The following EMP1 variants were observed in gnomAD, a reference collection of about 807,000 sequenced individuals.
The protein encoded by EMP1 is epithelial membrane protein 1.
In EMP1, 5 loss-of-function variants were observed where a neutral mutation model predicts 15.7. The observed-to-expected ratio is 0.32, with a 90% CI of 0.17 to 0.67. The LOEUF is 0.67. EMP1 is among the 30% of genes least tolerant of loss of function. The pLI is 0.74. For synonymous variants in EMP1, 78 were observed against 76.7 expected (o/e 1.02, Z -0.09); for missense variants, 166 against 194.2 (o/e 0.85, Z 0.86).
rs766753340 is a variant in EMP1, at chr12:13,214,676, C to T, written c.459C>T (p.Val153=). The part of the protein sequence containing the change: ...FSFIIGVLYL[V]LRKK Reference sequence around the variant, plus strand: ...TCATCATCGGCGTTCTCTATCTGGTCCTGAGAAAGAAATAAGGCCGGACGA... The same window carrying T: ...TCATCATCGGCGTTCTCTATCTGGTTCTGAGAAAGAAATAAGGCCGGACGA... The change falls in exon 5 of 5, where the codon GTC becomes GTT. Residue 153 remains valine (V), a synonymous_variant. Transcript: ENST00000256951. 3.1e-5 allele frequency: 50 copies of T among 1,612,772 alleles called. No individual in the cohort carries two copies. The Middle Eastern group carries it at 9.9e-4, about 32-fold the overall frequency.
rs1864193696 is a variant in EMP1 at position 13,214,316 on chromosome 12, A to C, written c.317-218A>C. Reference sequence around the variant, plus strand: ...TTTTACATCACAGCGTGGCCACACAAACCAGTGCAGACATGAGAGCCCAGA... The same window carrying C: ...TTTTACATCACAGCGTGGCCACACACACCAGTGCAGACATGAGAGCCCAGA... On this transcript the variant is annotated intron_variant, in intron 4 of 4. Coordinates refer to ENST00000256951, the MANE Select transcript of EMP1 (RefSeq NM_001423.3). 6.2e-6 allele frequency: 4 copies of C among 648,632 alleles called. No individual in the cohort carries two copies. In the African/African-American group the frequency reaches 7.3e-5, roughly 12 times the overall value. 40.2% of individuals were successfully genotyped at this position (648,632 alleles called of 1,614,324 possible). A position where few individuals can be genotyped will look rare whatever the true frequency, so the allele number is the denominator to read the frequency against.
At chr12:13,201,867 G>A (rs1401398714) in intron 1 of EMP1, among the ~76,000 whole-genome samples, 6 of 152,122 alleles carry the variant, frequency 3.9e-5, no homozygotes, top group Admixed American at 3.9e-4. Flanking sequence ...CTGGCTCTGG[G>A]AAAGAAACTC....
Position 13,214,520 on chromosome 12 carries a change from CT to C in EMP1, c.317-10del. 6.2e-7 allele frequency: 1 copy of C among 1,609,884 alleles called. No homozygotes were observed. Among genetic ancestry groups the C allele is most frequent in the Non-Finnish European group, 8.5e-7 (1 of 1,177,488 alleles). The stretch of plus-strand genomic sequence containing the variant: ...GTAAGAAAACACACCGACAAATCTC[CT>C]TTTCCCCTGCAGGGCTGTGCATTCT... On this transcript the variant is annotated splice_polypyrimidine_tract_variant and intron_variant, in intron 4 of 4. Transcript: ENST00000256951.
chr12:13,214,134 C>T, intron 4 of EMP1: 1 of 609,270 alleles, frequency 1.6e-6, no homozygotes, highest in Non-Finnish European at 2.9e-6. Context: ...AAACCACTGC[C>T]ACAATGCACA....
chr12:13,206,995 G>C (rs1235713151), intron 1 of EMP1, among the ~76,000 whole-genome samples: 1 of 151,580 alleles, frequency 6.6e-6, no homozygotes, highest in Non-Finnish European at 1.5e-5. Context: ...AGCCAATAAA[G>C]ATTTAAATGG....
At chr12:13,213,649 A>C in intron 3 of EMP1, 32 bp from the exon 4 acceptor site, 3 of 1,613,980 alleles carry the variant, frequency 1.9e-6, no homozygotes, top group Non-Finnish European at 2.5e-6. Context: ...GAGTGACCTC[A>C]TGCCCTTGTT....
chr12:13,214,018 A>G (rs1406972719), intron 4 of EMP1, 197 bp downstream of exon 4: 1 of 824,464 alleles, frequency 1.2e-6, no homozygotes, highest in East Asian at 2.7e-5. Context: ...CATTGTTCAA[A>G]ACCAGTGCTC....
intron 1 of EMP1, among the ~76,000 whole-genome samples, chr12:13,199,842 G>A (rs1864047722): frequency 6.6e-6 from 1 of 151,910 alleles, no homozygotes; most frequent in African/African-American, 2.4e-5. Context: ...TATCTATTCT[G>A]GTTTTGTTGT....
In EMP1 at chr12:13,216,416, G is replaced by T. The variant is rs1864215899; in HGVS notation, c.*1725G>T. ...CCAAATTACCTAGGCTGAGGTTAGA[G>T]AGATTGGCCAGCAAAAACTGTGGGA... is the stretch of plus-strand genomic sequence containing the variant. On this transcript the variant is annotated 3_prime_UTR_variant, in exon 5 of 5. Coordinates refer to ENST00000256951, the MANE Select transcript of EMP1 (RefSeq NM_001423.3). The T allele has an allele frequency of 1.4e-6, 1 of 702,516 alleles. No homozygotes were observed. The allele number at this position is 702,516 out of a possible 1,614,324, so 43.5% of individuals were successfully genotyped here.
chr12:13,210,099 G>A (rs79678958), intron 1 of EMP1, among the ~76,000 whole-genome samples: 6,175 of 152,262 alleles, frequency 0.041, 419 homozygotes, highest in African/African-American at 0.14. Flanking sequence ...TTGGTTGCCT[G>A]ATAAAGACAG....
At position 13,218,173 on chromosome 12, in the gene EMP1, T is replaced by C. The variant is rs1864231166; in HGVS notation, c.*3482T>C. 6.6e-6 allele frequency: 1 copy of C among 152,168 alleles called. No homozygotes were observed. 9.4% of individuals were successfully genotyped at this position (152,168 alleles called of 1,614,324 possible). On this transcript the variant is annotated 3_prime_UTR_variant, in exon 5 of 5. Coordinates refer to ENST00000256951, the MANE Select transcript of EMP1 (RefSeq NM_001423.3). ...GGGATAAACTTGAGTTATCAAATGG[T>C]TAATAGATAAAGATCCCACTCTGCC...
At chr12:13,200,733 A>G (rs1199791173) in intron 1 of EMP1, among the ~76,000 whole-genome samples, 2 of 152,176 alleles carry the variant, frequency 1.3e-5, no homozygotes, top group African/African-American at 4.8e-5. Context: ...GAAAGCACAA[A>G]CACCTGTGGT....
chr12:13,199,013 A>G (rs1225802790), intron 1 of EMP1, among the ~76,000 whole-genome samples: 2 of 106,604 alleles, frequency 1.9e-5, no homozygotes, highest in Non-Finnish European at 4.3e-5. Flanking sequence ...ACTCCGAAGA[A>G]TGGGGCGGGG....
rs1015619626 is a variant in EMP1 at position 13,214,958 on chromosome 12, C to G, written c.*267C>G. ...TGCAGCCACCAGACTTGGCCTCCAG[C>G]TGTTCTTAGTGACACACACTGTCTG... On this transcript the variant is annotated 3_prime_UTR_variant, in exon 5 of 5. Coordinates refer to ENST00000256951, the MANE Select transcript of EMP1 (RefSeq NM_001423.3). 12 of 406,846 alleles carry G rather than the reference C, an allele frequency of 2.9e-5. No homozygotes were observed. In the Admixed American group the frequency reaches 4.4e-4, roughly 15 times the overall value. 25.2% of individuals were successfully genotyped at this position (406,846 alleles called of 1,614,324 possible). A position where few individuals can be genotyped will look rare whatever the true frequency, so the allele number is the denominator to read the frequency against.
intron 1 of EMP1, among the ~76,000 whole-genome samples, chr12:13,202,048 G>A (rs1160545602): frequency 6.6e-6 from 1 of 152,096 alleles, no homozygotes; most frequent in Admixed American, 6.5e-5. Flanking sequence ...TGTTGAGGGA[G>A]GAGGCAGGCA....
intron 1 of EMP1, among the ~76,000 whole-genome samples, chr12:13,198,657 G>A (rs1864035452): frequency 1.3e-5 from 2 of 152,176 alleles, no homozygotes; most frequent in South Asian, 4.1e-4. Flanking sequence ...TTTTAGTTCT[G>A]TGCAGGTTAA....
rs1864019829 is a variant in EMP1 at position 13,196,863 on chromosome 12, G to A, written c.-52G>A. 6.6e-6 allele frequency: 1 copy of A among 152,300 alleles called. No individual in the cohort carries two copies. The highest frequency in any genetic ancestry group is 1.5e-5 in the Non-Finnish European group (1 of 68,114). 9.4% of individuals were successfully genotyped at this position (152,300 alleles called of 1,614,324 possible). On this transcript the variant is annotated 5_prime_UTR_variant, in exon 1 of 5. Transcript: ENST00000256951. ...CCACTCAGAGCGCCTCTGTCGCTGG[G>A]ACCCTTCAGGTAGGACAGCTCCCAA...
chr12:13,205,254 A>G (rs1472708858), intron 1 of EMP1, among the ~76,000 whole-genome samples: 1 of 152,236 alleles, frequency 6.6e-6, no homozygotes, highest in Non-Finnish European at 1.5e-5. Flanking sequence ...CAGACAAACT[A>G]GTGTTTAGAA....
At chr12:13,198,497 G>C (rs1269651486) in intron 1 of EMP1, among the ~76,000 whole-genome samples, 1 of 152,200 alleles carries the variant, frequency 6.6e-6, no homozygotes, top group Non-Finnish European at 1.5e-5. Context: ...CTGCCCCAAG[G>C]GGGACGATTG....
Sources: gnomAD v4.1 joint callset for allele counts (sites outside exome capture counted in the v4.1 genomes callset) on GRCh38, gnomAD v4.1.1 for gene constraint, MANE v1.5 for transcripts, NCBI Gene and HGNC (gene_info 2026-07-23, HGNC 2026-07-21) for gene names.